The following KLHDC3 variants were observed in gnomAD, a reference collection of about 807,000 sequenced individuals.
The protein encoded by KLHDC3 is kelch domain containing 3, also known as kelch domain-containing protein 3.
In KLHDC3, 5 loss-of-function variants were observed where a neutral mutation model predicts 44.1. The ratio of observed to expected loss-of-function variants is 0.11; its 90% CI spans 0.06 to 0.24. The LOEUF is 0.24. Among genes scored for constraint, KLHDC3 ranks in the 10% least tolerant of loss-of-function variants. The probability of loss-of-function intolerance (pLI) is 1.00; values close to 1 mark genes in which losing one functional copy is unlikely to be tolerated. For synonymous variants in KLHDC3, 170 were observed against 189.0 expected, an observed-to-expected ratio of 0.90 and a Z score of 0.82; for missense variants, 247 against 514.3, an observed-to-expected ratio of 0.48 and a Z score of 5.03.
Position 43,017,299 on chromosome 6 carries a change from A to G in KLHDC3, c.107A>G (p.Glu36Gly). The G allele has an allele frequency of 6.2e-7, 1 of 1,614,140 alleles. No homozygotes were observed. Among genetic ancestry groups the G allele is most frequent in the South Asian group, 1.1e-5 (1 of 91,080 alleles). Reference protein sequence around the residue: ...VYSFGGYCSGEDYETLRQIDV... With the variant: ...VYSFGGYCSGGDYETLRQIDV... The stretch of plus-strand genomic sequence containing the variant: ...TCCTTCGGGGGTTACTGCTCTGGTG[A>G]AGACTATGAGACACTGCGTCAGATA... The change falls in exon 2 of 11, where the codon GAA becomes GGA. Residue 36 changes from glutamate to glycine, a missense_variant. This residue lies in a region of KLHDC3 where 71 missense variants were observed against 100.8 expected (regional missense o/e 0.70). Transcript: ENST00000326974. The surrounding 1 kb of genome is among the most constrained non-coding windows in gnomAD (Gnocchi z 6.0).
chr6:43,019,548 C>A (rs1413042271), intron 10 of KLHDC3, among the ~76,000 whole-genome samples, 182 bp downstream of exon 10: 1 of 151,902 alleles, frequency 6.6e-6, no homozygotes, highest in Non-Finnish European at 1.5e-5. Flanking sequence ...AAACTGTCAG[C>A]AGAATAAATT....
At chr6:43,016,855 T>G in intron 1 of KLHDC3, 3 of 305,422 alleles carry the variant, frequency 9.8e-6, no homozygotes, top group Non-Finnish European at 1.9e-5. Flanking sequence ...CCTCCACGAG[T>G]AGGTTGTGAC....
intron 10 of KLHDC3, among the ~76,000 whole-genome samples, chr6:43,019,890 T>C (rs55699400): frequency 0.28 from 41,865 of 152,142 alleles, 9,111 homozygotes; most frequent in African/African-American, 0.6. Context: ...AGTTTAACTC[T>C]TGCTGGCTGG....
At chr6:43,014,742 G>C (rs1236374735) in intron 1 of KLHDC3, 2 of 390,034 alleles carry the variant, frequency 5.1e-6, no homozygotes, top group Non-Finnish European at 5.3e-6. Context: ...TCTTTCCTTA[G>C]TGGAGGTGGG....
chr6:43,017,580 GGTACCCT>G lies in KLHDC3; in HGVS notation c.217_223del (p.Val73ThrfsTer62). The G allele has an allele frequency of 1.2e-6, 2 of 1,613,724 alleles. No homozygotes were observed. The highest frequency in any genetic ancestry group is 1.7e-6 in the Non-Finnish European group (2 of 1,179,792). On this transcript the variant is annotated frameshift_variant, in exon 3 of 11. Coordinates refer to ENST00000326974, the MANE Select transcript of KLHDC3 (RefSeq NM_057161.4). LOFTEE classifies it high-confidence loss of function. This position sits in a 1 kb window ranked among gnomAD's most constrained non-coding sequence, Gnocchi z 6.0. ...CTGCCATCCGTGGGCAAGCTCCTGT[GGTACCCT>G]ACATGCGCTATGGACACTCAACCGT...
At position 43,017,369 on chromosome 6, in the gene KLHDC3, C is replaced by T. The variant is rs1470228159; in HGVS notation, c.154+23C>T. 2 of 1,601,590 alleles carry T rather than the reference C, an allele frequency of 1.2e-6. No homozygotes were observed. The highest frequency in any genetic ancestry group is 1.7e-6 in the Non-Finnish European group (2 of 1,171,728). ...CAGGTAAGCCAATGCTGGGGCTGTC[C>T]CTGGGTCCCCACATCAGGGTGGGAA... is the stretch of plus-strand genomic sequence containing the variant. On this transcript the variant is annotated intron_variant, in intron 2 of 10. Coordinates refer to ENST00000326974, the MANE Select transcript of KLHDC3 (RefSeq NM_057161.4). This position sits in a 1 kb window ranked among gnomAD's most constrained non-coding sequence, Gnocchi z 6.0.
intron 1 of KLHDC3, 91 bp downstream of exon 1, chr6:43,014,439 T>C (rs1447214482): frequency 2.7e-6 from 1 of 366,366 alleles, no homozygotes; most frequent in Admixed American, 3.2e-5. Context: ...GGCCTGAGAG[T>C]GATGAGGTGG....
Position 43,021,078 on chromosome 6 carries a change from A to T in KLHDC3, c.*345A>T, listed in dbSNP as rs775709867. 2.0e-6 allele frequency: 1 copy of T among 495,168 alleles called. No homozygotes were observed. The highest frequency in any genetic ancestry group is 1.5e-5 in the South Asian group (1 of 64,940). 30.7% of individuals were successfully genotyped at this position (495,168 alleles called of 1,614,324 possible). A position where few individuals can be genotyped will look rare whatever the true frequency, so the allele number is the denominator to read the frequency against. On this transcript the variant is annotated 3_prime_UTR_variant, in exon 11 of 11. Coordinates refer to ENST00000326974, the MANE Select transcript of KLHDC3 (RefSeq NM_057161.4). ...AAGCAAGCAGTGTCTGAGCCTCAGG[A>T]GCTTCCCCCTCCCCCTTTGCCTATC...
chr6:43,014,702 G>A lies in KLHDC3; in HGVS notation c.-60+354G>A, dbSNP rs773488438. 1.1e-5 allele frequency: 5 copies of A among 444,022 alleles called. No individual in the cohort carries two copies. In the East Asian group the frequency reaches 2.8e-4, roughly 25 times the overall value. 27.5% of individuals were successfully genotyped at this position (444,022 alleles called of 1,614,324 possible). ...ACAGGGATAGAGTCATATGCAGAGA[G>A]GGGTATCGTGGTCAGTGCATGCTAA... On this transcript the variant is annotated intron_variant, in intron 1 of 10. Coordinates refer to ENST00000326974, the MANE Select transcript of KLHDC3 (RefSeq NM_057161.4).
At chr6:43,016,840 TG>T in intron 1 of KLHDC3, 1 of 269,796 alleles carries the variant, frequency 3.7e-6, no homozygotes, top group Non-Finnish European at 7.2e-6. Context: ...AGGGACAGAG[TG>T]GAGCCTCCAC....
intron 9 of KLHDC3, 51 bp from the exon 10 acceptor site, chr6:43,019,237 G>A: frequency 1.3e-6 from 2 of 1,559,052 alleles, no homozygotes; most frequent in Non-Finnish European, 1.8e-6. Context: ...TCCAGGACTG[G>A]ATCCTTTCCT....
At chr6:43,019,661 C>T (rs960043647) in intron 10 of KLHDC3, among the ~76,000 whole-genome samples, 5 of 152,178 alleles carry the variant, frequency 3.3e-5, no homozygotes, top group African/African-American at 9.7e-5. Context: ...ATCTTAGAAC[C>T]TAGCTGCAAA....
chr6:43,015,483 T>TG (rs961705219), intron 1 of KLHDC3, among the ~76,000 whole-genome samples: 4 of 152,250 alleles, frequency 2.6e-5, no homozygotes, highest in African/African-American at 9.6e-5. Flanking sequence ...CATTGTCAGT[T>TG]GCAAGGATTT....
In KLHDC3 at chr6:43,017,384, C is replaced by A; in HGVS notation, c.154+38C>A. The A allele has an allele frequency of 1.3e-6, 2 of 1,595,228 alleles. No homozygotes were observed. The highest frequency in any genetic ancestry group is 8.6e-7 in the Non-Finnish European group (1 of 1,167,668). ...TGGGGCTGTCCCTGGGTCCCCACATCAGGGTGGGAACGGGCTGCTGATGAG... is the reference window on the plus strand; with the variant it reads ...TGGGGCTGTCCCTGGGTCCCCACATAAGGGTGGGAACGGGCTGCTGATGAG... On this transcript the variant is annotated intron_variant, in intron 2 of 10. Transcript: ENST00000326974. The surrounding 1 kb of genome is among the most constrained non-coding windows in gnomAD (Gnocchi z 6.0).
chr6:43,016,912 C>T (rs943089143), intron 1 of KLHDC3: 6 of 466,220 alleles, frequency 1.3e-5, no homozygotes, highest in Admixed American at 1.1e-4. Flanking sequence ...GGTGGCCCCA[C>T]CCTTCACTGT....
At chr6:43,019,066 T>A in intron 8 of KLHDC3, 26 bp from the exon 9 acceptor site, 1 of 1,604,538 alleles carries the variant, frequency 6.2e-7, no homozygotes. Context: ...TTTGTCCTAC[T>A]TTCATCTCTC....
At chr6:43,020,280 T>TATTCCTGGTGGGGTGAGGC (rs1762659943) in intron 10 of KLHDC3, among the ~76,000 whole-genome samples, 4 of 151,820 alleles carry the variant, frequency 2.6e-5, no homozygotes, top group Non-Finnish European at 5.9e-5. Flanking sequence ...CAAAAATGGG[T>TATTCCTGGTGGGGTGAGGC]ATTCCTGGTG....
rs768911196 is a variant in KLHDC3 at position 43,018,140 on chromosome 6, C to T, written c.448-5C>T. On this transcript the variant is annotated splice_region_variant and splice_polypyrimidine_tract_variant and intron_variant, in intron 4 of 10. Coordinates refer to ENST00000326974, the MANE Select transcript of KLHDC3 (RefSeq NM_057161.4). The surrounding 1 kb of genome is among the most constrained non-coding windows in gnomAD (Gnocchi z 6.0). Reference sequence around the variant, plus strand: ...TTTTCTTCCTCCTTTTCTCTTCCTACTCAGGCGGACTGTTTTTCCAATGAC... The same window carrying T: ...TTTTCTTCCTCCTTTTCTCTTCCTATTCAGGCGGACTGTTTTTCCAATGAC... 3 of 1,600,654 alleles carry T rather than the reference C, an allele frequency of 1.9e-6. No homozygotes were observed. Among genetic ancestry groups the T allele is most frequent in the Non-Finnish European group, 2.6e-6 (3 of 1,167,902 alleles).
In KLHDC3 at chr6:43,018,556, T is replaced by C; in HGVS notation, c.733T>C (p.Phe245Leu). The change falls in exon 6 of 11, where the codon TTT becomes CTT. Residue 245 changes from phenylalanine to leucine, a missense_variant and splice_region_variant. Transcript: ENST00000326974. The surrounding 1 kb of genome is among the most constrained non-coding windows in gnomAD (Gnocchi z 6.0). ...LPEGRRSHSA[F>L]GYNGELYIFG... ...TGAGGGGCGCCGGAGCCACTCGGCC[T>C]GTGAGTGTTTGTTACTTCCCTGTGG... 1 of 1,613,892 alleles carries C rather than the reference T, an allele frequency of 6.2e-7. No homozygotes were observed. The highest frequency in any genetic ancestry group is 8.5e-7 in the Non-Finnish European group (1 of 1,179,850).
Sources: allele counts gnomAD v4.1 joint callset (sites outside exome capture counted in the v4.1 genomes callset), GRCh38; gene constraint gnomAD v4.1.1; regional missense constraint gnomAD v4.1.1; non-coding constraint Gnocchi (gnomAD v3.1); transcripts MANE v1.5; gene names NCBI Gene and HGNC (gene_info 2026-07-23, HGNC 2026-07-21).